The following CTNNA3 variants were observed in gnomAD, a reference collection of about 807,000 sequenced individuals.
CTNNA3 encodes catenin alpha 3.
A neutral mutation model predicts 95.7 loss-of-function variants in CTNNA3; 76 were observed. The observed-to-expected ratio is 0.79, with a 90% confidence interval of 0.66 to 0.96. CTNNA3 has a LOEUF of 0.96. Among genes scored for constraint, CTNNA3 ranks in the 40% least tolerant of loss-of-function variants. The probability of loss-of-function intolerance (pLI) is 0.00; values close to 1 mark genes in which losing one functional copy is unlikely to be tolerated. For missense variants in CTNNA3, 1,191 were observed against 1,089.8 expected (o/e 1.09, Z -1.31); for synonymous variants, 431 against 374.4 (o/e 1.15, Z -1.74).
intron 6 of CTNNA3, among the ~76,000 whole-genome samples, chr10:67,189,584 C>T (rs12263609): frequency 0.04 from 6,009 of 151,026 alleles, 288 homozygotes; most frequent in East Asian, 0.17. Flanking sequence ...CACAAATATA[C>T]ATAATTTTTA....
At chr10:65,965,200 GTTGT>G (rs757309353) in intron 17 of CTNNA3, among the ~76,000 whole-genome samples, 36 of 151,998 alleles carry the variant, frequency 2.4e-4, no homozygotes, top group Admixed American at 7.9e-4. Context: ...CAAATTCAGT[GTTGT>G]CTCTCTGAAC....
intron 5 of CTNNA3, among the ~76,000 whole-genome samples, chr10:67,376,420 A>C (rs1843690256): frequency 6.6e-6 from 1 of 152,208 alleles, no homozygotes; most frequent in South Asian, 2.1e-4. Context: ...CCTTATAGTC[A>C]ATATCCTCTC....
At chr10:67,216,876 TAATCTAC>T (rs1554947592) in intron 6 of CTNNA3, among the ~76,000 whole-genome samples, 1 of 152,208 alleles carries the variant, frequency 6.6e-6, no homozygotes, top group Non-Finnish European at 1.5e-5. Context: ...AAAATTCTCT[TAATCTAC>T]AATTCAGCAC....
chr10:66,391,894 G>A (rs1395306532), intron 11 of CTNNA3, among the ~76,000 whole-genome samples: 8 of 151,800 alleles, frequency 5.3e-5, no homozygotes, highest in African/African-American at 1.9e-4. Flanking sequence ...TTTTCAATTA[G>A]AGTGCTATCC....
intron 11 of CTNNA3, among the ~76,000 whole-genome samples, chr10:66,403,771 G>A (rs1251274906): frequency 6.6e-6 from 1 of 152,176 alleles, no homozygotes. Flanking sequence ...GACAGTAAGA[G>A]AAATCTGACA....
chr10:67,666,085 A>G (rs2133539837), intron 1 of CTNNA3, among the ~76,000 whole-genome samples: 1 of 152,246 alleles, frequency 6.6e-6, no homozygotes, highest in Non-Finnish European at 1.5e-5. Flanking sequence ...TATAATATCA[A>G]CTTTTATTTT....
intron 7 of CTNNA3, among the ~76,000 whole-genome samples, chr10:67,161,421 AG>A (rs1350873678): frequency 4.6e-5 from 7 of 151,868 alleles, no homozygotes; most frequent in African/African-American, 1.7e-4. Context: ...AATTACATAA[AG>A]GGTTCTACAT....
intron 7 of CTNNA3, among the ~76,000 whole-genome samples, chr10:66,813,107 G>C (rs1314230786): frequency 6.6e-6 from 1 of 152,088 alleles, no homozygotes; most frequent in Non-Finnish European, 1.5e-5. Flanking sequence ...AATGAGAAGG[G>C]GAAAGGATAA....
chr10:66,382,538 A>G (rs1411258315), intron 11 of CTNNA3, among the ~76,000 whole-genome samples: 1 of 152,154 alleles, frequency 6.6e-6, no homozygotes, highest in Non-Finnish European at 1.5e-5. Context: ...TTTGGCAGGC[A>G]TAAACGACTC....
At chr10:66,446,721 C>G (rs1309467601) in intron 11 of CTNNA3, among the ~76,000 whole-genome samples, 1 of 152,086 alleles carries the variant, frequency 6.6e-6, no homozygotes, top group Admixed American at 6.5e-5. Context: ...CAATATCATA[C>G]TGAATGGGCA....
chr10:66,511,251 A>G (rs1386995076), intron 11 of CTNNA3, among the ~76,000 whole-genome samples: 1 of 151,454 alleles, frequency 6.6e-6, no homozygotes, highest in East Asian at 1.9e-4. Flanking sequence ...TTCATTTCTG[A>G]TATTATTTAT....
rs184672829 is a variant in CTNNA3 at position 65,917,327 on chromosome 10, C to G, written c.*3003G>C. 6.6e-5 allele frequency: 10 copies of G among 152,122 alleles called. No individual in the cohort carries two copies. The highest frequency in any genetic ancestry group is 5.9e-4 in the Admixed American group (9 of 15,274). The allele number at this position is 152,122 out of a possible 1,614,324, so 9.4% of individuals were successfully genotyped here. On this transcript the variant is annotated 3_prime_UTR_variant, in exon 18 of 18. Transcript: ENST00000433211. Reference sequence around the variant, plus strand: ...CATTCAAGAACTATCCAGAAACTGACTTAGAAACATTTTACTTCAATAATT... The same window carrying G: ...CATTCAAGAACTATCCAGAAACTGAGTTAGAAACATTTTACTTCAATAATT...
At chr10:67,355,633 A>C (rs1306423479) in intron 5 of CTNNA3, among the ~76,000 whole-genome samples, 1 of 151,996 alleles carries the variant, frequency 6.6e-6, no homozygotes, top group Non-Finnish European at 1.5e-5. Context: ...GCAAAAAAAA[A>C]AACCTTTTCA....
intron 3 of CTNNA3, among the ~76,000 whole-genome samples, chr10:67,563,908 GC>G (rs1841644566): frequency 6.7e-6 from 1 of 149,240 alleles, no homozygotes; most frequent in Non-Finnish European, 1.5e-5. Flanking sequence ...ATCATCACTG[GC>G]CATCAGAGAA....
chr10:66,976,590 A>G (rs575587420), intron 7 of CTNNA3, among the ~76,000 whole-genome samples: 1 of 152,348 alleles, frequency 6.6e-6, no homozygotes, highest in East Asian at 1.9e-4. Flanking sequence ...TCCCTAAAGA[A>G]AAATGGTCAT....
At chr10:66,383,177 C>A (rs188925138) in intron 11 of CTNNA3, among the ~76,000 whole-genome samples, 123 of 152,136 alleles carry the variant, frequency 8.1e-4, no homozygotes, top group South Asian at 4.1e-3. Flanking sequence ...GAACCCATTG[C>A]AAGGAAGCTA....
In CTNNA3 at chr10:67,647,378, C is replaced by A. The variant is rs755254313; in HGVS notation, c.99+37G>T. On this transcript the variant is annotated intron_variant, in intron 2 of 17. Transcript: ENST00000433211. ...TTCCCACATATTTTTCATTCTTCTG[C>A]AGTTACTATATATCATAATTTCCAT... 9 of 1,385,990 alleles carry A rather than the reference C, an allele frequency of 6.5e-6. No homozygotes were observed. In the South Asian group the frequency reaches 1.1e-4, roughly 16 times the overall value. 85.9% of individuals were successfully genotyped at this position (1,385,990 alleles called of 1,614,324 possible). A position where few individuals can be genotyped will look rare whatever the true frequency, so the allele number is the denominator to read the frequency against.
chr10:66,157,473 TGATAGATAGATAGATATGTA>T (rs2084584354), intron 13 of CTNNA3, among the ~76,000 whole-genome samples: 2 of 135,138 alleles, frequency 1.5e-5, no homozygotes, highest in African/African-American at 2.8e-5. Context: ...GATAGACAGA[TGATAGATAGATAGATATGTA>T]GATAGATAGA....
chr10:66,669,842 C>T (rs1267011138), intron 9 of CTNNA3, among the ~76,000 whole-genome samples: 1 of 152,132 alleles, frequency 6.6e-6, no homozygotes, highest in Non-Finnish European at 1.5e-5. Flanking sequence ...GTTTATTCTG[C>T]TGCAATCTTA....
Sources: gnomAD v4.1 joint callset for allele counts (sites outside exome capture counted in the v4.1 genomes callset) on GRCh38, gnomAD v4.1.1 for gene constraint, MANE v1.5 for transcripts, NCBI Gene and HGNC (gene_info 2026-07-23, HGNC 2026-07-21) for gene names.